ICAM5: variants seen among roughly 807,000 people sequenced by gnomAD.
ICAM5 encodes the protein ICAM-5.
ICAM5 carries 38 observed loss-of-function variants against 78.8 expected under a neutral mutation model. The ratio of observed to expected loss-of-function variants is 0.48; its 90% confidence interval spans 0.37 to 0.63. ICAM5 has a LOEUF of 0.63. Ranked by LOEUF, ICAM5 falls within the 30% of genes least tolerant of loss-of-function variation. The pLI, the probability that ICAM5 is intolerant of heterozygous loss-of-function variation, is 0.00. For synonymous variants in ICAM5, 544 were observed against 590.9 expected (o/e 0.92, Z 1.15); for missense variants, 1,059 against 1,303.0 (o/e 0.81, Z 2.88).
At chr19:10,292,568 G>T in intron 4 of ICAM5, 44 bp from the exon 5 acceptor site, 1 of 1,520,338 alleles carries the variant, frequency 6.6e-7, no homozygotes, top group African/African-American at 1.4e-5. Context: ...TGACCGGAGG[G>T]AGGGGTATGG....
Position 10,294,718 on chromosome 19 carries a change from A to C in ICAM5, c.2230+78A>C. 6.3e-7 allele frequency: 1 copy of C among 1,586,312 alleles called. No homozygotes were observed. The highest frequency in any genetic ancestry group is 1.8e-5 in the Admixed American group (1 of 54,178). On this transcript the variant is annotated intron_variant, in intron 9 of 10. Coordinates refer to ENST00000221980, the MANE Select transcript of ICAM5 (RefSeq NM_003259.4). The surrounding 1 kb of genome is among the most constrained non-coding windows in gnomAD (Gnocchi z 7.7). ...CGCAGCGGTGGGAGCATTCAAGGGCACCTCTCCCAATCCCATTCTCGGGGA... is the reference window on the plus strand; with the variant it reads ...CGCAGCGGTGGGAGCATTCAAGGGCCCCTCTCCCAATCCCATTCTCGGGGA...
Position 10,290,959 on chromosome 19 carries a change from G to A in ICAM5, c.83-113G>A, listed in dbSNP as rs1021038215. On this transcript the variant is annotated intron_variant, in intron 1 of 10. Coordinates refer to ENST00000221980, the MANE Select transcript of ICAM5 (RefSeq NM_003259.4). The surrounding 1 kb of genome is among the most constrained non-coding windows in gnomAD (Gnocchi z 5.7). Reference sequence around the variant, plus strand: ...CGCGGGACGCCTGGGTTCTTTCCCTGGCTGCAGCCTCTCCTCCTCCTCCCC... The same window carrying A: ...CGCGGGACGCCTGGGTTCTTTCCCTAGCTGCAGCCTCTCCTCCTCCTCCCC... 8.0e-6 allele frequency: 11 copies of A among 1,369,840 alleles called. No individual in the cohort carries two copies. The African/African-American group carries it at 1.0e-4, about 13-fold the overall frequency. The allele number at this position is 1,369,840 out of a possible 1,614,324, so 84.9% of individuals were successfully genotyped here.
Position 10,290,142 on chromosome 19 carries a change from G to A in ICAM5, c.82+17G>A. On this transcript the variant is annotated intron_variant, in intron 1 of 10. Coordinates refer to ENST00000221980, the MANE Select transcript of ICAM5 (RefSeq NM_003259.4). The surrounding 1 kb of genome is among the most constrained non-coding windows in gnomAD (Gnocchi z 5.7). ...GCCTCTCAGGTAAGAGCCCCGCTCT[G>A]GTTCGGGGTGGACAGGGCGGGGGCG... 1 of 1,500,998 alleles carries A rather than the reference G, an allele frequency of 6.7e-7. No homozygotes were observed. The highest frequency in any genetic ancestry group is 8.9e-7 in the Non-Finnish European group (1 of 1,120,972). The allele number at this position is 1,500,998 out of a possible 1,614,324, so 93.0% of individuals were successfully genotyped here.
rs11575073 is a variant in ICAM5, at chr19:10,290,134, C to A, written c.82+9C>A. The A allele has an allele frequency of 6.6e-7, 1 of 1,510,654 alleles. No individual in the cohort carries two copies. The highest frequency in any genetic ancestry group is 1.2e-5 in the South Asian group (1 of 80,602). The allele number at this position is 1,510,654 out of a possible 1,614,324, so 93.6% of individuals were successfully genotyped here. A position where few individuals can be genotyped will look rare whatever the true frequency, so the allele number is the denominator to read the frequency against. On this transcript the variant is annotated intron_variant, in intron 1 of 10. Coordinates refer to ENST00000221980, the MANE Select transcript of ICAM5 (RefSeq NM_003259.4). The surrounding 1 kb of genome is among the most constrained non-coding windows in gnomAD (Gnocchi z 5.7). ...GCTCTTCGGCCTCTCAGGTAAGAGC[C>A]CCGCTCTGGTTCGGGGTGGACAGGG...
At chr19:10,295,708 C>A in intron 10 of ICAM5, 96 bp downstream of exon 10, 1 of 1,345,122 alleles carries the variant, frequency 7.4e-7, no homozygotes, top group Non-Finnish European at 9.9e-7. Flanking sequence ...CCTCTCGGTC[C>A]CGGTAGACTA....
Position 10,292,814 on chromosome 19 carries a change from T to G in ICAM5, c.1164T>G (p.Asp388Glu), listed in dbSNP as rs1244633708. Residue 388 changes from aspartate to glutamate, a missense_variant, in exon 5 of 11, where the codon GAT (aspartate) becomes GAG (glutamate). Around this residue, in one of 3 missense-constraint regions of ICAM5, gnomAD observed 815 missense variants for 952.8 expected, o/e 0.86. Coordinates refer to ENST00000221980, the MANE Select transcript of ICAM5 (RefSeq NM_003259.4). ...GCTTCTTCTGCGACGCCACCCTCGATGTGGACGGGGAGACCCTGATCAAGA... is the reference window on the plus strand; with the variant it reads ...GCTTCTTCTGCGACGCCACCCTCGAGGTGGACGGGGAGACCCTGATCAAGA... ...RRSFFCDATL[D>E]VDGETLIKNR... The G allele has an allele frequency of 6.2e-7, 1 of 1,612,370 alleles. No individual in the cohort carries two copies. Among genetic ancestry groups the G allele is most frequent in the Non-Finnish European group, 8.5e-7 (1 of 1,179,848 alleles).
Position 10,290,166 on chromosome 19 carries a change from C to G in ICAM5, c.82+41C>G. ...TGGTTCGGGGTGGACAGGGCGGGGG[C>G]GGAGTCCCTGGACCTGAGAAACGGC... On this transcript the variant is annotated intron_variant, in intron 1 of 10. Coordinates refer to ENST00000221980, the MANE Select transcript of ICAM5 (RefSeq NM_003259.4). This position sits in a 1 kb window ranked among gnomAD's most constrained non-coding sequence, Gnocchi z 5.7. The G allele has an allele frequency of 7.0e-7, 1 of 1,420,966 alleles. No individual in the cohort carries two copies. Among genetic ancestry groups the G allele is most frequent in the Non-Finnish European group, 9.4e-7 (1 of 1,066,152 alleles). 88.0% of individuals were successfully genotyped at this position (1,420,966 alleles called of 1,614,324 possible).
Position 10,296,536 on chromosome 19 carries a change from G to C in ICAM5, c.2695G>C (p.Gly899Arg). The part of the protein sequence containing the change: ...GGAGGAAGAE[G>R]GPEAAGGAAE... ...CGCTGGCGGGGCGGCAGGCGCGGAG[G>C]GCGGACCCGAGGCGGCGGGGGGCGC... Residue 899 changes from glycine to arginine, a missense_variant, in exon 11 of 11, where the codon GGC (glycine) becomes CGC (arginine). Transcript: ENST00000221980. The C allele has an allele frequency of 8.2e-7, 1 of 1,225,712 alleles. No homozygotes were observed. The highest frequency in any genetic ancestry group is 3.4e-5 in the East Asian group (1 of 29,786). 75.9% of individuals were successfully genotyped at this position (1,225,712 alleles called of 1,614,324 possible).
chr19:10,296,259 C>T lies in ICAM5; in HGVS notation c.2498-80C>T, dbSNP rs569416626. ...CTCCCCGGGGCATGAGGACTGACTT[C>T]GTGCCTGTGGGAGTGCGGGGGGCGG... On this transcript the variant is annotated intron_variant, in intron 10 of 10. Transcript: ENST00000221980. The T allele has an allele frequency of 1.1e-4, 127 of 1,207,648 alleles. 1 individual carries two copies. The East Asian group carries it at 3.3e-3, about 31-fold the overall frequency. 74.8% of individuals were successfully genotyped at this position (1,207,648 alleles called of 1,614,324 possible). A position where few individuals can be genotyped will look rare whatever the true frequency, so the allele number is the denominator to read the frequency against.
At position 10,295,387 on chromosome 19, in the gene ICAM5, G is replaced by A. The variant is rs1212184956; in HGVS notation, c.2272G>A (p.Gly758Ser). ...VAELAASPPG[G>S]VRPGGNFTLT... Reference sequence around the variant, plus strand: ...CGAACTTGCTGCCTCGCCCCCTGGAGGCGTGCGCCCAGGAGGAAACTTCAC... The same window carrying A: ...CGAACTTGCTGCCTCGCCCCCTGGAAGCGTGCGCCCAGGAGGAAACTTCAC... The change falls in exon 10 of 11, where the codon GGC (glycine) becomes AGC (serine). Residue 758 changes from glycine to serine, a missense_variant. By Grantham distance (56) the Gly-to-Ser change is moderately conservative. Coordinates refer to ENST00000221980, the MANE Select transcript of ICAM5 (RefSeq NM_003259.4). 6.3e-7 allele frequency: 1 copy of A among 1,596,908 alleles called. No homozygotes were observed. Among genetic ancestry groups the A allele is most frequent in the Non-Finnish European group, 8.5e-7 (1 of 1,173,970 alleles).
At position 10,291,471 on chromosome 19, in the gene ICAM5, G is replaced by C. The variant is rs765866534; in HGVS notation, c.353-18G>C. 7 of 1,611,542 alleles carry C rather than the reference G, an allele frequency of 4.3e-6. No individual in the cohort carries two copies. The East Asian group carries it at 1.3e-4, about 31-fold the overall frequency. On this transcript the variant is annotated intron_variant, in intron 2 of 10. Transcript: ENST00000221980. ...AAGTCCCGGTGTTCAAAGAGCTGCG[G>C]ACTCTTCCCCCTTGCAGAGCGACCA...
Position 10,292,739 on chromosome 19 carries a change from G to A in ICAM5, c.1089G>A (p.Gly363=). Residue 363 remains glycine (G), a synonymous_variant, in exon 5 of 11, where the codon GGG becomes GGA. Transcript: ENST00000221980. ...AGGGAGTTCCAGCCGCGGTCCCGGG[G>A]CAGCCCGCCCAGCTTCAGCTAAATG... is the stretch of plus-strand genomic sequence containing the variant. ...TLEGVPAAVP[G]QPAQLQLNAT... The A allele has an allele frequency of 6.2e-7, 1 of 1,613,436 alleles. No homozygotes were observed. Among genetic ancestry groups the A allele is most frequent in the Non-Finnish European group, 8.5e-7 (1 of 1,179,978 alleles).
At position 10,291,762 on chromosome 19, in the gene ICAM5, T is replaced by A; in HGVS notation, c.626T>A (p.Leu209Gln). ...GAGCTGGACCTGCGGCCGCACGGAC[T>A]GGGACTGTTTGAAAACAGCTCGGCC... is the stretch of plus-strand genomic sequence containing the variant. Reference protein sequence around the residue: ...RAELDLRPHGLGLFENSSAPR... With the variant: ...RAELDLRPHGQGLFENSSAPR... The change falls in exon 3 of 11, where the codon CTG (leucine) becomes CAG (glutamine). Residue 209 changes from leucine to glutamine, a missense_variant. By Grantham distance (113) the Leu-to-Gln change is moderately radical. Transcript: ENST00000221980. 1 of 1,612,520 alleles carries A rather than the reference T, an allele frequency of 6.2e-7. No individual in the cohort carries two copies.
Position 10,296,467 on chromosome 19 carries a change from G to A in ICAM5, c.2626G>A (p.Glu876Lys). ...GGGCGAGTACAACGTGCAGGAGGCCGAGAGCTCAGGCGAGGCCGTGTGTCT... is the reference window on the plus strand; with the variant it reads ...GGGCGAGTACAACGTGCAGGAGGCCAAGAGCTCAGGCGAGGCCGTGTGTCT... ...KKGEYNVQEAESSGEAVCLNG... is the reference protein window; with the variant it reads ...KKGEYNVQEAKSSGEAVCLNG... The change falls in exon 11 of 11, where the codon GAG (glutamate) becomes AAG (lysine). Residue 876 changes from glutamate (E) to lysine (K), a missense_variant. Around this residue, in one of 3 missense-constraint regions of ICAM5, gnomAD observed 109 missense variants for 120.0 expected, o/e 0.91. Coordinates refer to ENST00000221980, the MANE Select transcript of ICAM5 (RefSeq NM_003259.4). The A allele has an allele frequency of 7.6e-7, 1 of 1,308,452 alleles. No homozygotes were observed. The highest frequency in any genetic ancestry group is 9.9e-7 in the Non-Finnish European group (1 of 1,011,196). The allele number at this position is 1,308,452 out of a possible 1,614,324, so 81.1% of individuals were successfully genotyped here. A position where few individuals can be genotyped will look rare whatever the true frequency, so the allele number is the denominator to read the frequency against.
intron 4 of ICAM5, 125 bp downstream of exon 4, chr19:10,292,447 G>T: frequency 7.3e-7 from 1 of 1,364,384 alleles, no homozygotes; most frequent in South Asian, 1.4e-5. Flanking sequence ...GCAGGTGGGG[G>T]CGGAGACGTA....
intron 10 of ICAM5, 33 bp downstream of exon 10, chr19:10,295,645 T>A: frequency 6.6e-7 from 1 of 1,522,022 alleles, no homozygotes; most frequent in South Asian, 1.2e-5. Context: ...CGGGGCGAGG[T>A]ATCTGAGAGG....
chr19:10,292,141 C>T lies in ICAM5; in HGVS notation c.780C>T (p.Ala260=). 1 of 1,613,416 alleles carries T rather than the reference C, an allele frequency of 6.2e-7. No homozygotes were observed. Among genetic ancestry groups the T allele is most frequent in the Non-Finnish European group, 8.5e-7 (1 of 1,180,030 alleles). ...TLDGLFPASE[A]RVYLALGDQN... ...ACGGACTGTTTCCAGCCTCAGAGGC[C>T]AGGGTCTACCTCGCACTGGGGGACC... The change falls in exon 4 of 11, where the codon GCC becomes GCT. Residue 260 remains alanine, a synonymous_variant. Transcript: ENST00000221980.
intron 3 of ICAM5, 48 bp from the exon 4 acceptor site, chr19:10,291,987 C>T: frequency 1.3e-6 from 2 of 1,581,918 alleles, no homozygotes; most frequent in Non-Finnish European, 1.7e-6. Context: ...GTGCTTAGGA[C>T]ATATTGAGCG....
At position 10,294,705 on chromosome 19, in the gene ICAM5, A is replaced by G; in HGVS notation, c.2230+65A>G. 6.2e-7 allele frequency: 1 copy of G among 1,602,852 alleles called. No homozygotes were observed. The highest frequency in any genetic ancestry group is 2.2e-5 in the East Asian group (1 of 44,626). On this transcript the variant is annotated intron_variant, in intron 9 of 10. Transcript: ENST00000221980. The surrounding 1 kb of genome is among the most constrained non-coding windows in gnomAD (Gnocchi z 7.7). ...CGGAAGAATGACTCGCAGCGGTGGG[A>G]GCATTCAAGGGCACCTCTCCCAATC... is the stretch of plus-strand genomic sequence containing the variant.
Sources: gnomAD v4.1 joint callset for allele counts on GRCh38, gnomAD v4.1.1 for gene constraint, gnomAD v4.1.1 regional missense constraint, Gnocchi (gnomAD v3.1) non-coding constraint, MANE v1.5 for transcripts, NCBI Gene and HGNC (gene_info 2026-07-23, HGNC 2026-07-21) for gene names.